Variants in ADAMTSL1 observed in about 807,000 individuals in gnomAD.
The protein encoded by ADAMTSL1 is ADAMTS like 1.
Under a neutral mutation model 201.8 loss-of-function variants are expected in ADAMTSL1, and 126 were observed. That is an observed-to-expected ratio of 0.62 (90% CI 0.54 to 0.72). ADAMTSL1 has a LOEUF of 0.72. ADAMTSL1 is among the 30% of genes least tolerant of loss of function. The pLI is 0.00. For synonymous variants in ADAMTSL1, 1,121 were observed against 903.4 expected, an observed-to-expected ratio of 1.24 and a Z score of -4.32; for missense variants, 2,679 against 2,277.8, an observed-to-expected ratio of 1.18 and a Z score of -3.59.
At position 18,111,072 on chromosome 9, in the gene ADAMTSL1, A is replaced by G. The variant is rs184152712; in HGVS notation, c.88-52790A>G. ...GTTCATTTTGCAGAGTGAAGTGTAGAAATGTGTTTCCTTAAACTTCCCTTG... is the reference window on the plus strand; with the variant it reads ...GTTCATTTTGCAGAGTGAAGTGTAGGAATGTGTTTCCTTAAACTTCCCTTG... On this transcript the variant is annotated intron_variant, in intron 1 of 29. Transcript: ENST00000680146. Among the ~76,000 whole-genome samples the G allele has an allele frequency of 3.1e-3, 466 of 152,286 alleles. 3 individuals are homozygous for G. The highest frequency in any genetic ancestry group is 0.011 in the African/African-American group (451 of 41,574).
intron 2 of ADAMTSL1, among the ~76,000 whole-genome samples, chr9:18,288,287 A>G (rs1407946790): frequency 6.6e-6 from 1 of 152,190 alleles, no homozygotes; most frequent in African/African-American, 2.4e-5. Flanking sequence ...CAAAGCAGTT[A>G]TCAAGAAAGA....
At chr9:18,335,467 A>G (rs1563894623) in intron 2 of ADAMTSL1, among the ~76,000 whole-genome samples, 1 of 152,122 alleles carries the variant, frequency 6.6e-6, no homozygotes, top group Non-Finnish European at 1.5e-5. Flanking sequence ...CACAAAATTC[A>G]TAATGGGGCT....
chr9:18,761,290 A>C (rs1206981232), intron 16 of ADAMTSL1, among the ~76,000 whole-genome samples: 1 of 152,282 alleles, frequency 6.6e-6, no homozygotes, highest in Non-Finnish European at 1.5e-5. Context: ...CAATACAGGC[A>C]GAATTTATTA....
chr9:18,561,384 G>A (rs1047542259), intron 3 of ADAMTSL1, among the ~76,000 whole-genome samples: 10 of 152,300 alleles, frequency 6.6e-5, no homozygotes, highest in Non-Finnish European at 8.8e-5. Flanking sequence ...TGATTGCACT[G>A]TGGTCTGAGA....
Position 18,182,031 on chromosome 9 carries a change from T to C in ADAMTSL1, c.207+18050T>C, listed in dbSNP as rs541720869. Among the ~76,000 whole-genome samples the C allele has an allele frequency of 9.3e-5, 14 of 151,292 alleles. No homozygotes were observed. In the East Asian group the frequency reaches 1.4e-3, roughly 15 times the overall value. On this transcript the variant is annotated intron_variant, in intron 2 of 29. Coordinates refer to the ADAMTSL1 transcript ENST00000680146. ...GAAATCATCATTCTCAGTAAACTAT[T>C]GCAAGAACAAAAAACCAAACACCGC... is the stretch of plus-strand genomic sequence containing the variant.
At chr9:18,353,955 T>C (rs922865401) in intron 2 of ADAMTSL1, among the ~76,000 whole-genome samples, 4 of 151,640 alleles carry the variant, frequency 2.6e-5, no homozygotes, top group Admixed American at 6.6e-5. Flanking sequence ...TAGAAGCCAG[T>C]ATTAACTTTT....
At chr9:18,747,211 G>A (rs35200150) in intron 15 of ADAMTSL1, among the ~76,000 whole-genome samples, 24 of 152,136 alleles carry the variant, frequency 1.6e-4, no homozygotes, top group African/African-American at 4.8e-4. Context: ...TCTTGTTTAC[G>A]AGCTGTGTGA....
rs868398125 is a variant in ADAMTSL1, at chr9:18,770,794, C to T, written c.2397+13C>T. Reference sequence around the variant, plus strand: ...AGACTGGACAGAGGTATGTATGTTCCTCCGAAGAGAATGAAAGAGATCCAA... The same window carrying T: ...AGACTGGACAGAGGTATGTATGTTCTTCCGAAGAGAATGAAAGAGATCCAA... On this transcript the variant is annotated intron_variant, in intron 17 of 28. Transcript: ENST00000380548. 6 of 1,611,150 alleles carry T rather than the reference C, an allele frequency of 3.7e-6. No individual in the cohort carries two copies. In the African/African-American group the frequency reaches 5.3e-5, roughly 14 times the overall value.
At chr9:18,443,683 T>C (rs1353376242) in intron 2 of ADAMTSL1, among the ~76,000 whole-genome samples, 1 of 152,028 alleles carries the variant, frequency 6.6e-6, no homozygotes, top group Non-Finnish European at 1.5e-5. Flanking sequence ...AGCCTAGGTG[T>C]GTACTGTACT....
chr9:17,918,061 A>T (rs1035758871), intron 1 of ADAMTSL1, among the ~76,000 whole-genome samples: 4 of 151,872 alleles, frequency 2.6e-5, no homozygotes, highest in Non-Finnish European at 5.9e-5. Context: ...TCCCTGATCA[A>T]TCTGCTTCAT....
intron 2 of ADAMTSL1, among the ~76,000 whole-genome samples, chr9:18,179,186 C>A (rs1242888358): frequency 6.6e-6 from 1 of 151,982 alleles, no homozygotes; most frequent in Non-Finnish European, 1.5e-5. Context: ...CTTAAAGGAG[C>A]TGATGGAGCT....
intron 3 of ADAMTSL1, among the ~76,000 whole-genome samples, chr9:18,558,663 C>G (rs767867769): frequency 9.9e-5 from 15 of 152,162 alleles, no homozygotes; most frequent in Non-Finnish European, 1.9e-4. Context: ...ACATCCTCTC[C>G]AGCATCTGCT....
At chr9:18,263,280 T>C (rs572739848) in intron 2 of ADAMTSL1, among the ~76,000 whole-genome samples, 1 of 152,204 alleles carries the variant, frequency 6.6e-6, no homozygotes, top group South Asian at 2.1e-4. Context: ...TACTCTTCAG[T>C]GGAGGAGATC....
intron 1 of ADAMTSL1, among the ~76,000 whole-genome samples, chr9:18,078,823 G>A (rs369992643): frequency 6.6e-6 from 1 of 152,074 alleles, no homozygotes; most frequent in Non-Finnish European, 1.5e-5. Context: ...CAAGCCCCTG[G>A]ACCCTCAAAA....
intron 1 of ADAMTSL1, among the ~76,000 whole-genome samples, chr9:18,064,954 A>ATTTTTTTTTTTTTTTTT (rs563021690): frequency 2.9e-5 from 2 of 69,022 alleles, no homozygotes; most frequent in African/African-American, 1.1e-4. Flanking sequence ...TTTGCTAAAG[A>ATTTTTTTTTTTTTTTTT]TTTTTTTTTT....
intron 2 of ADAMTSL1, among the ~76,000 whole-genome samples, chr9:18,371,361 A>T (rs1439727978): frequency 2.0e-5 from 3 of 152,200 alleles, no homozygotes; most frequent in African/African-American, 7.2e-5. Context: ...GTATTTTAAT[A>T]AGGGTGGAGT....
At chr9:18,641,830 A>G (rs529110932) in intron 7 of ADAMTSL1, among the ~76,000 whole-genome samples, 3 of 151,974 alleles carry the variant, frequency 2.0e-5, no homozygotes, top group Non-Finnish European at 4.4e-5. Flanking sequence ...AGCTTTTATA[A>G]TTATATATAT....
chr9:18,219,831 C>T (rs978639880), intron 2 of ADAMTSL1, among the ~76,000 whole-genome samples: 3 of 152,060 alleles, frequency 2.0e-5, no homozygotes, highest in African/African-American at 7.2e-5. Context: ...GATAGGGATA[C>T]AACTGATATC....
At chr9:18,137,153 T>C (rs1826193878) in intron 1 of ADAMTSL1, among the ~76,000 whole-genome samples, 1 of 152,206 alleles carries the variant, frequency 6.6e-6, no homozygotes, top group Admixed American at 6.6e-5. Context: ...GCAATGATAG[T>C]AGCCCAGGTT....
Sources: gnomAD v4.1 joint callset for allele counts (sites outside exome capture counted in the v4.1 genomes callset) on GRCh38, gnomAD v4.1.1 for gene constraint, MANE v1.5 for transcripts, NCBI Gene and HGNC (gene_info 2026-07-23, HGNC 2026-07-21) for gene names.